CDH12: variants seen among roughly 807,000 people sequenced by gnomAD.
The protein encoded by CDH12 is cadherin-12.
In CDH12, 41 loss-of-function variants were observed where a neutral mutation model predicts 74.1. The ratio of observed to expected loss-of-function variants is 0.55; its 90% confidence interval spans 0.43 to 0.72. The LOEUF (loss-of-function observed/expected upper bound fraction) is 0.72. Ranked by LOEUF, CDH12 falls within the 30% of genes least tolerant of loss-of-function variation. The probability of loss-of-function intolerance (pLI) is 0.00; values close to 1 mark genes in which losing one functional copy is unlikely to be tolerated. For synonymous variants in CDH12, 399 were observed against 355.0 expected, an observed-to-expected ratio of 1.12 and a Z score of -1.39; for missense variants, 945 against 977.2, an observed-to-expected ratio of 0.97 and a Z score of 0.44.
chr5:22,736,258 A>T (rs544219880), intron 1 of CDH12, among the ~76,000 whole-genome samples: 141 of 151,938 alleles, frequency 9.3e-4, no homozygotes, highest in African/African-American at 2.8e-3. Flanking sequence ...AGATATACAT[A>T]ACTTCCTCCA....
chr5:22,825,713 C>A (rs574788357), intron 1 of CDH12, among the ~76,000 whole-genome samples: 1 of 152,268 alleles, frequency 6.6e-6, no homozygotes, highest in Non-Finnish European at 1.5e-5. Flanking sequence ...TTGGCTTGTA[C>A]TCAGAATGCA....
At chr5:22,451,263 T>A (rs1459720838) in intron 2 of CDH12, among the ~76,000 whole-genome samples, 3 of 151,922 alleles carry the variant, frequency 2.0e-5, no homozygotes, top group Non-Finnish European at 4.4e-5. Flanking sequence ...TGATAAATGA[T>A]TTAATAAAAT....
intron 3 of CDH12, among the ~76,000 whole-genome samples, chr5:22,358,318 A>T (rs892570409): frequency 1.5e-5 from 1 of 66,758 alleles, no homozygotes; most frequent in African/African-American, 6.1e-5. Context: ...TTGAGGCAGG[A>T]GAATAACTTG....
At chr5:21,861,351 C>G (rs2150008155) in intron 6 of CDH12, among the ~76,000 whole-genome samples, 1 of 152,018 alleles carries the variant, frequency 6.6e-6, no homozygotes, top group South Asian at 2.1e-4. Context: ...TACTTGCACA[C>G]AATTTATACT....
At chr5:22,698,303 G>C (rs1228230996) in intron 1 of CDH12, among the ~76,000 whole-genome samples, 1 of 151,080 alleles carries the variant, frequency 6.6e-6, no homozygotes, top group South Asian at 2.1e-4. Flanking sequence ...TGTAATTTTA[G>C]TAGAGATGGG....
intron 4 of CDH12, among the ~76,000 whole-genome samples, chr5:22,135,741 C>T (rs569461271): frequency 1.3e-5 from 2 of 151,988 alleles, no homozygotes; most frequent in African/African-American, 2.4e-5. Flanking sequence ...GAAGCTGGAA[C>T]GTCTGACTGG....
intron 4 of CDH12, among the ~76,000 whole-genome samples, chr5:22,122,267 G>A (rs150594331): frequency 0.014 from 2,077 of 152,164 alleles, 42 homozygotes; most frequent in African/African-American, 0.047. Flanking sequence ...GGTGGGCATG[G>A]CGGCACATTC....
Position 21,802,156 on chromosome 5 carries a change from C to T in CDH12, c.1256+11G>A. 6.3e-7 allele frequency: 1 copy of T among 1,585,268 alleles called. No individual in the cohort carries two copies. Among genetic ancestry groups the T allele is most frequent in the Non-Finnish European group, 8.6e-7 (1 of 1,164,322 alleles). ...CCTGAAACATAGAAAAAAAATGTTT[C>T]TTTTTCTCACCTAACAGCACTGCTG... On this transcript the variant is annotated intron_variant, in intron 10 of 14. Coordinates refer to ENST00000382254, the MANE Select transcript of CDH12 (RefSeq NM_004061.5).
intron 1 of CDH12, among the ~76,000 whole-genome samples, chr5:22,761,194 A>C (rs766860289): frequency 6.6e-6 from 1 of 152,284 alleles, no homozygotes; most frequent in African/African-American, 2.4e-5. Flanking sequence ...CAGTGGACAA[A>C]CCTGAGCATA....
chr5:22,390,368 A>G (rs1352334737), intron 3 of CDH12, among the ~76,000 whole-genome samples: 1 of 152,232 alleles, frequency 6.6e-6, no homozygotes, highest in Admixed American at 6.5e-5. Context: ...TCAAATGATC[A>G]TAATTTTTGT....
intron 3 of CDH12, among the ~76,000 whole-genome samples, chr5:22,330,109 A>G (rs1194754084): frequency 6.6e-6 from 1 of 152,174 alleles, no homozygotes; most frequent in Admixed American, 6.5e-5. Context: ...TTTCTGCTTA[A>G]GGAGAGGAGA....
At chr5:21,916,011 A>G (rs1289251851) in intron 6 of CDH12, among the ~76,000 whole-genome samples, 1 of 152,156 alleles carries the variant, frequency 6.6e-6, no homozygotes, top group Admixed American at 6.6e-5. Flanking sequence ...TTCATAATAA[A>G]AAAGCAATGT....
At chr5:22,741,069 T>C (rs1341594921) in intron 1 of CDH12, among the ~76,000 whole-genome samples, 1 of 152,198 alleles carries the variant, frequency 6.6e-6, no homozygotes, top group Non-Finnish European at 1.5e-5. Context: ...CACACTGATA[T>C]CTAGTGTAAC....
At chr5:22,612,987 T>A (rs926918149) in intron 1 of CDH12, among the ~76,000 whole-genome samples, 4 of 152,052 alleles carry the variant, frequency 2.6e-5, no homozygotes, top group African/African-American at 7.2e-5. Flanking sequence ...AGAGCACAAA[T>A]GTTTCCTTAT....
intron 1 of CDH12, among the ~76,000 whole-genome samples, chr5:22,842,703 A>G (rs962317651): frequency 1.3e-5 from 2 of 152,158 alleles, no homozygotes; most frequent in Non-Finnish European, 1.5e-5. Flanking sequence ...GGATTTTTCA[A>G]TATGAGATCA....
chr5:22,554,659 A>G (rs775425805), intron 1 of CDH12, among the ~76,000 whole-genome samples: 2 of 152,126 alleles, frequency 1.3e-5, no homozygotes, highest in African/African-American at 4.8e-5. Flanking sequence ...TATCTTTGTC[A>G]GAGAAATTAA....
Position 22,448,714 on chromosome 5 carries a change from T to G in CDH12, c.-427-43363A>C, listed in dbSNP as rs574016794. On this transcript the variant is annotated intron_variant, in intron 2 of 14. Coordinates refer to ENST00000382254, the MANE Select transcript of CDH12 (RefSeq NM_004061.5). ...AAGTTTTCAAATTAAGATTTTAATT[T>G]TTTTGTAAAAGTAAAAGAAAACAGT... 6.6e-4 allele frequency among the ~76,000 whole-genome samples: 101 copies of G among 152,154 alleles called. 1 individual carries two copies. In the South Asian group the frequency reaches 0.02, roughly 30 times the overall value.
chr5:22,075,873 T>C (rs958868726), intron 5 of CDH12, among the ~76,000 whole-genome samples: 2 of 152,220 alleles, frequency 1.3e-5, no homozygotes, highest in African/African-American at 4.8e-5. Flanking sequence ...ATATTATTTA[T>C]AATACTTTCC....
At chr5:22,243,709 C>G (rs142140759) in intron 3 of CDH12, among the ~76,000 whole-genome samples, 25 of 152,174 alleles carry the variant, frequency 1.6e-4, no homozygotes, top group African/African-American at 6.0e-4. Flanking sequence ...AAGCATAGTA[C>G]GGTAATAAAA....
Sources: allele counts gnomAD v4.1 joint callset (sites outside exome capture counted in the v4.1 genomes callset), GRCh38; gene constraint gnomAD v4.1.1; transcripts MANE v1.5; gene names NCBI Gene and HGNC (gene_info 2026-07-23, HGNC 2026-07-21).